The following UGT1A7 variants were observed in gnomAD, a reference collection of about 807,000 sequenced individuals.
UGT1A7 encodes the protein UDP-glucuronosyltransferase 1A7.
Under a neutral mutation model 45.6 loss-of-function variants are expected in UGT1A7, and 33 were observed. The observed-to-expected ratio is 0.72, with a 90% confidence interval of 0.55 to 0.97. UGT1A7 has a LOEUF of 0.97. Ranked by LOEUF, UGT1A7 falls within the 50% of genes least tolerant of loss-of-function variation. The pLI, the probability that UGT1A7 is intolerant of heterozygous loss-of-function variation, is 0.00. For missense variants in UGT1A7, 684 were observed against 666.2 expected (o/e 1.03, Z -0.29); for synonymous variants, 274 against 250.6 (o/e 1.09, Z -0.88).
chr2:233,713,202 GA>G, intron 1 of UGT1A7: 1 of 1,614,240 alleles, frequency 6.2e-7, no homozygotes, highest in Non-Finnish European at 8.5e-7. Context: ...GTACATCAAA[GA>G]AGAGAACTTT....
At chr2:233,752,691 A>G (rs1290582885) in intron 1 of UGT1A7, 2 of 152,214 alleles carry the variant, frequency 1.3e-5, no homozygotes, top group Non-Finnish European at 2.9e-5. Context: ...ATTCATGTTT[A>G]CTAGTGGGGT....
At chr2:233,754,362 T>G in intron 1 of UGT1A7, 1 of 282,658 alleles carries the variant, frequency 3.5e-6, no homozygotes, top group Non-Finnish European at 6.9e-6. Flanking sequence ...TACAGATATT[T>G]ACAATGATCG....
intron 1 of UGT1A7, among the ~76,000 whole-genome samples, chr2:233,737,561 C>T (rs1436138407): frequency 1.3e-5 from 2 of 152,190 alleles, no homozygotes; most frequent in African/African-American, 4.8e-5. Flanking sequence ...CAGTGGGATG[C>T]ACCCACTATC....
At chr2:233,724,531 C>T (rs557040072) in intron 1 of UGT1A7, among the ~76,000 whole-genome samples, 5 of 121,606 alleles carry the variant, frequency 4.1e-5, no homozygotes, top group Admixed American at 8.0e-5. Context: ...GGGGTCTCGC[C>T]GGGCAGAGGC....
chr2:233,693,179 G>C, intron 1 of UGT1A7: 2 of 1,614,162 alleles, frequency 1.2e-6, no homozygotes, highest in Non-Finnish European at 1.7e-6. Flanking sequence ...GATTGTAGTG[G>C]TGGTGCCTGA....
intron 1 of UGT1A7, chr2:233,718,138 CCTCA>C: frequency 1.7e-5 from 4 of 236,468 alleles, no homozygotes; most frequent in South Asian, 5.8e-5. Context: ...GATGGAGAAT[CCTCA>C]ATAAAGCCTT....
intron 1 of UGT1A7, chr2:233,692,407 AT>A (rs1286270347): frequency 6.4e-6 from 1 of 155,608 alleles, no homozygotes; most frequent in Non-Finnish European, 1.4e-5. Context: ...TGAACCTCTG[AT>A]TTTTGCCAAG....
intron 1 of UGT1A7, chr2:233,743,596 C>T (rs925952692): frequency 1.5e-6 from 2 of 1,367,220 alleles, no homozygotes; most frequent in Admixed American, 1.9e-5. Flanking sequence ...AGAATGGGTC[C>T]TGGCCGCCGA....
chr2:233,705,088 A>G (rs1036319858), intron 1 of UGT1A7, among the ~76,000 whole-genome samples: 1 of 151,886 alleles, frequency 6.6e-6, no homozygotes, highest in Non-Finnish European at 1.5e-5. Flanking sequence ...GAGAGCCAAG[A>G]TCGTGCCATT....
intron 1 of UGT1A7, chr2:233,753,403 T>C (rs149143287): frequency 6.6e-6 from 1 of 152,326 alleles, no homozygotes; most frequent in East Asian, 1.9e-4. Flanking sequence ...CTAGAGCATA[T>C]CCAAACCCAT....
Position 233,748,080 on chromosome 2 carries a change from G to A in UGT1A7, c.856-18954G>A, listed in dbSNP as rs1693856955. The stretch of plus-strand genomic sequence containing the variant: ...TGCCAACAGGAAGCCACTATCTCAG[G>A]TCGGTGTTCGTGCCTTCATCCAATC... On this transcript the variant is annotated intron_variant, in intron 1 of 4. Transcript: ENST00000373426. The A allele has an allele frequency of 1.2e-5, 19 of 1,613,008 alleles. 1 individual carries two copies. In the Admixed American group the frequency reaches 3.2e-4, roughly 27 times the overall value.
chr2:233,741,733 T>C (rs968212915), intron 1 of UGT1A7: 2 of 151,882 alleles, frequency 1.3e-5, no homozygotes, highest in African/African-American at 4.9e-5. Flanking sequence ...TCCAAACCCA[T>C]ATCACACTCT....
intron 1 of UGT1A7, chr2:233,691,708 C>G: frequency 1.1e-6 from 1 of 937,570 alleles, no homozygotes; most frequent in Non-Finnish European, 1.3e-6. Flanking sequence ...AGTCACTCCC[C>G]TGGCAGATGG....
At chr2:233,746,305 A>G (rs1693353993) in intron 1 of UGT1A7, among the ~76,000 whole-genome samples, 1 of 151,774 alleles carries the variant, frequency 6.6e-6, no homozygotes, top group Non-Finnish European at 1.5e-5. Context: ...TTTCCCTTGG[A>G]GGGCCCTGTA....
chr2:233,734,094 C>T (rs981980802), intron 1 of UGT1A7, among the ~76,000 whole-genome samples: 3 of 151,762 alleles, frequency 2.0e-5, no homozygotes, highest in African/African-American at 7.3e-5. Flanking sequence ...CACCCTAAAA[C>T]TTAAAGTATA....
At chr2:233,684,625 A>C (rs2074688730) in intron 1 of UGT1A7, among the ~76,000 whole-genome samples, 1 of 152,192 alleles carries the variant, frequency 6.6e-6, no homozygotes, top group African/African-American at 2.4e-5. Context: ...GTATATCTTC[A>C]GTGGTGTATA....
chr2:233,762,997 ATCATT>A (rs1212266483), intron 1 of UGT1A7, among the ~76,000 whole-genome samples: 2 of 152,206 alleles, frequency 1.3e-5, no homozygotes, highest in African/African-American at 4.8e-5. Context: ...GAAATTGATT[ATCATT>A]TCATTATTTT....
At chr2:233,714,585 C>T (rs1055592636) in intron 1 of UGT1A7, among the ~76,000 whole-genome samples, 2 of 152,172 alleles carry the variant, frequency 1.3e-5, no homozygotes, top group East Asian at 3.8e-4. Context: ...ATAATTTAAA[C>T]TTTTCTAGTG....
At chr2:233,704,169 G>A (rs1358460644) in intron 1 of UGT1A7, among the ~76,000 whole-genome samples, 1 of 151,694 alleles carries the variant, frequency 6.6e-6, no homozygotes, top group Non-Finnish European at 1.5e-5. Context: ...GGGATTACAG[G>A]TGTGAGCCAC....
Sources: allele counts gnomAD v4.1 joint callset (sites outside exome capture counted in the v4.1 genomes callset), GRCh38; gene constraint gnomAD v4.1.1; transcripts MANE v1.5; gene names NCBI Gene and HGNC (gene_info 2026-07-23, HGNC 2026-07-21).